Variants in WDPCP observed in about 807,000 individuals in gnomAD.
The protein encoded by WDPCP is WD repeat containing planar cell polarity effector.
WDPCP carries 71 observed loss-of-function variants against 93.1 expected under a neutral mutation model. That is an observed-to-expected ratio of 0.76 (90% CI 0.63 to 0.93). WDPCP has a LOEUF of 0.93. Among genes scored for constraint, WDPCP ranks in the 40% least tolerant of loss-of-function variants. The pLI is 0.00. For synonymous variants in WDPCP, 315 were observed against 315.0 expected (o/e 1.00, Z 0.00); for missense variants, 844 against 887.4 (o/e 0.95, Z 0.62).
intron 2 of WDPCP, among the ~76,000 whole-genome samples, chr2:63,491,065 C>T (rs1032798861): frequency 5.3e-5 from 8 of 152,080 alleles, no homozygotes; most frequent in African/African-American, 1.9e-4. Context: ...TCTGAGATTT[C>T]TTTTACACTT....
intron 14 of WDPCP, among the ~76,000 whole-genome samples, chr2:63,201,505 G>A (rs1675910168): frequency 6.6e-6 from 1 of 152,132 alleles, no homozygotes; most frequent in African/African-American, 2.4e-5. Context: ...AGAATGATCT[G>A]CAGTACAATA....
intron 14 of WDPCP, among the ~76,000 whole-genome samples, chr2:63,234,978 C>T (rs1004205521): frequency 1.3e-5 from 2 of 152,026 alleles, no homozygotes; most frequent in African/African-American, 4.8e-5. Context: ...GCTGTGAAGA[C>T]AGAAGAAGCT....
chr2:63,627,275 C>A (rs1709819985), intron 3 of WDPCP, among the ~76,000 whole-genome samples: 1 of 152,180 alleles, frequency 6.6e-6, no homozygotes, highest in Non-Finnish European at 1.5e-5. Flanking sequence ...GAGTATTCCA[C>A]TGACGATTTT....
chr2:63,461,552 T>C (rs1699010001), intron 6 of WDPCP, among the ~76,000 whole-genome samples: 1 of 152,282 alleles, frequency 6.6e-6, no homozygotes, highest in East Asian at 1.9e-4. Context: ...GTCTCAAGTA[T>C]TTCTTTATAG....
the WDPCP span, among the ~76,000 whole-genome samples, chr2:63,839,629 G>A: frequency 6.6e-6 from 1 of 152,254 alleles, no homozygotes; most frequent in Admixed American, 6.5e-5. Context: ...TGCAGGCTAA[G>A]TAACCCTACG....
chr2:63,534,220 T>C (rs1011554916), intron 1 of WDPCP, among the ~76,000 whole-genome samples: 4 of 152,264 alleles, frequency 2.6e-5, no homozygotes, highest in Admixed American at 1.3e-4. Flanking sequence ...CAATAATTAA[T>C]AGCTTACCAA....
At chr2:63,395,415 T>C (rs544061284) in intron 10 of WDPCP, among the ~76,000 whole-genome samples, 1 of 152,274 alleles carries the variant, frequency 6.6e-6, no homozygotes, top group East Asian at 1.9e-4. Flanking sequence ...CTCCAGTGTC[T>C]ATTACGCCAC....
chr2:63,272,109 C>CCCA (rs1210036655), intron 13 of WDPCP, among the ~76,000 whole-genome samples: 1 of 152,008 alleles, frequency 6.6e-6, no homozygotes, highest in East Asian at 1.9e-4. Flanking sequence ...GCACATCCAG[C>CCCA]CCACCACCAC....
At chr2:63,209,021 T>TA (rs1462073087) in intron 14 of WDPCP, among the ~76,000 whole-genome samples, 1 of 152,180 alleles carries the variant, frequency 6.6e-6, no homozygotes, top group Non-Finnish European at 1.5e-5. Flanking sequence ...ACTGGGTGCT[T>TA]ACAGCCAGAA....
chr2:63,593,563 C>G, upstream of WDPCP: 1 of 471,356 alleles, frequency 2.1e-6, no homozygotes, highest in South Asian at 1.5e-5. Flanking sequence ...GAAGAAGGAA[C>G]TTTAAGTAAA....
intron 10 of WDPCP, among the ~76,000 whole-genome samples, chr2:63,396,642 C>T (rs1210858798): frequency 1.4e-5 from 2 of 147,278 alleles, no homozygotes; most frequent in Non-Finnish European, 3.0e-5. Flanking sequence ...GGCTTATCAA[C>T]CACTAAAGTA....
At chr2:63,571,091 T>A (rs1455505246) in intron 1 of WDPCP, among the ~76,000 whole-genome samples, 1 of 143,478 alleles carries the variant, frequency 7.0e-6, no homozygotes, top group African/African-American at 2.6e-5. Flanking sequence ...TTTTTTTTTT[T>A]CAGTAGAGAC....
intron 1 of WDPCP, among the ~76,000 whole-genome samples, chr2:63,576,866 TCA>T (rs1309554791): frequency 6.6e-6 from 1 of 152,176 alleles, no homozygotes; most frequent in African/African-American, 2.4e-5. Flanking sequence ...TCTAATTATA[TCA>T]TAAATGATAT....
intron 12 of WDPCP, among the ~76,000 whole-genome samples, chr2:63,326,634 CAG>C (rs796100331): frequency 5.4e-5 from 8 of 148,968 alleles, no homozygotes; most frequent in Non-Finnish European, 8.9e-5. Flanking sequence ...GACAGAGAGA[CAG>C]AGAGAGAGGG....
intron 14 of WDPCP, among the ~76,000 whole-genome samples, chr2:63,206,269 T>C (rs114527754): frequency 6.6e-6 from 1 of 152,166 alleles, no homozygotes; most frequent in African/African-American, 2.4e-5. Flanking sequence ...ATCAGAGATA[T>C]TCACCAGTTG....
intron 12 of WDPCP, among the ~76,000 whole-genome samples, chr2:63,326,407 C>G (rs1450863266): frequency 6.6e-6 from 1 of 152,158 alleles, no homozygotes; most frequent in Non-Finnish European, 1.5e-5. Context: ...AGTGATGTAA[C>G]TGTACTTGAA....
chr2:63,148,782 A>T (rs1671699985), intron 17 of WDPCP, among the ~76,000 whole-genome samples: 1 of 152,186 alleles, frequency 6.6e-6, no homozygotes, highest in African/African-American at 2.4e-5. Flanking sequence ...AGGAATTTAC[A>T]AGATGAGTCT....
At chr2:63,547,870 G>T (rs1705272038) in intron 1 of WDPCP, among the ~76,000 whole-genome samples, 1 of 152,002 alleles carries the variant, frequency 6.6e-6, no homozygotes, top group Admixed American at 6.6e-5. Context: ...GTGTTTCACA[G>T]ATCAGTAGAA....
At chr2:63,615,864 G>A (rs1709666683) in intron 3 of WDPCP, among the ~76,000 whole-genome samples, 1 of 152,170 alleles carries the variant, frequency 6.6e-6, no homozygotes, top group Admixed American at 6.5e-5. Flanking sequence ...TTGTGGCCCT[G>A]AGAATAAGCT....
Sources: gnomAD v4.1 joint callset for allele counts (sites outside exome capture counted in the v4.1 genomes callset) on GRCh38, gnomAD v4.1.1 for gene constraint, MANE v1.5 for transcripts, NCBI Gene and HGNC (gene_info 2026-07-23, HGNC 2026-07-21) for gene names.